PLCG2: variants seen among roughly 807,000 people sequenced by gnomAD.
PLCG2 encodes the protein phospholipase C gamma 2.
Under a neutral mutation model 175.6 loss-of-function variants are expected in PLCG2, and 69 were observed. That is an observed-to-expected ratio of 0.39 (90% CI 0.32 to 0.48). PLCG2 has a LOEUF of 0.48. PLCG2 is among the 20% of genes least tolerant of loss of function. The pLI, the probability that PLCG2 is intolerant of heterozygous loss-of-function variation, is 0.91. For synonymous variants in PLCG2, 827 were observed against 624.0 expected, an observed-to-expected ratio of 1.33 and a Z score of -4.85; for missense variants, 1,798 against 1,650.9, an observed-to-expected ratio of 1.09 and a Z score of -1.54.
At chr16:81,797,824 T>C (rs572698408) in intron 2 of PLCG2, among the ~76,000 whole-genome samples, 3 of 150,816 alleles carry the variant, frequency 2.0e-5, no homozygotes, top group African/African-American at 7.3e-5. Flanking sequence ...GTCTCAGTTT[T>C]CTTTTTTCTT....
intron 1 of PLCG2, among the ~76,000 whole-genome samples, chr16:81,785,586 A>C (rs1272459728): frequency 6.6e-6 from 1 of 151,610 alleles, no homozygotes; most frequent in African/African-American, 2.4e-5. Context: ...GTTGGAGATT[A>C]GGGGTGAGAG....
chr16:81,787,737 T>TC (rs1209935559), intron 2 of PLCG2, among the ~76,000 whole-genome samples: 32 of 151,730 alleles, frequency 2.1e-4, no homozygotes, highest in African/African-American at 7.5e-4. Flanking sequence ...CATCCCCTCA[T>TC]CCCCCCTACC....
intron 5 of PLCG2, among the ~76,000 whole-genome samples, chr16:81,864,427 C>T (rs1024650565): frequency 6.6e-6 from 1 of 152,224 alleles, no homozygotes; most frequent in African/African-American, 2.4e-5. Flanking sequence ...CAGCTACTAC[C>T]TCAGACAGCA....
chr16:81,871,235 C>A (rs28489594), intron 7 of PLCG2, among the ~76,000 whole-genome samples: 645 of 152,318 alleles, frequency 4.2e-3, no homozygotes, highest in African/African-American at 0.015. Flanking sequence ...GTGCAACTCA[C>A]TCTACTGCAT....
At chr16:81,842,069 C>G (rs920699510) in intron 2 of PLCG2, among the ~76,000 whole-genome samples, 1 of 152,226 alleles carries the variant, frequency 6.6e-6, no homozygotes, top group Admixed American at 6.5e-5. Context: ...TGATAAGCAT[C>G]ACTGCTTGTA....
chr16:81,829,287 T>G (rs1645014633), intron 2 of PLCG2, among the ~76,000 whole-genome samples: 1 of 152,160 alleles, frequency 6.6e-6, no homozygotes, highest in African/African-American at 2.4e-5. Context: ...TTTTGTATTT[T>G]TAGTAGAGAT....
rs4366702 is a variant in PLCG2, at chr16:81,928,466, A to T, written c.2515-92A>T. ...ATGCATTTTAAACAGTTCCACAGGC[A>T]GTATCTCTGCTAAACGGTGTGCTTT... On this transcript the variant is annotated intron_variant, in intron 23 of 32. Coordinates refer to ENST00000564138, the MANE Select transcript of PLCG2 (RefSeq NM_002661.5). 5.3e-4 allele frequency: 427 copies of T among 802,010 alleles called. No individual in the cohort carries two copies. In the African/African-American group the frequency reaches 6.1e-3, roughly 11 times the overall value. The allele number at this position is 802,010 out of a possible 1,614,324, so 49.7% of individuals were successfully genotyped here.
At chr16:81,909,746 C>A (rs62044875) in intron 17 of PLCG2, among the ~76,000 whole-genome samples, 9,599 of 152,224 alleles carry the variant, frequency 0.063, 435 homozygotes, top group Non-Finnish European at 0.098. Flanking sequence ...CGCAAATAAT[C>A]CTGGACACCT....
At position 81,858,029 on chromosome 16, in the gene PLCG2, C is replaced by G. The variant is rs1259870912; in HGVS notation, c.338-234C>G. 5 of 493,476 alleles carry G rather than the reference C, an allele frequency of 1.0e-5. No homozygotes were observed. The South Asian group carries it at 1.7e-4, about 17-fold the overall frequency. 30.6% of individuals were successfully genotyped at this position (493,476 alleles called of 1,614,324 possible). ...TGATTCCATTTGGCACAGGAAATAA[C>G]CCACTTGTCATCCCTGTGGTACAAA... On this transcript the variant is annotated intron_variant, in intron 3 of 32. Transcript: ENST00000564138.
chr16:81,877,195 C>T (rs1907834225), intron 7 of PLCG2, among the ~76,000 whole-genome samples: 1 of 152,208 alleles, frequency 6.6e-6, no homozygotes, highest in East Asian at 1.9e-4. Context: ...TGGCTCACGC[C>T]TGTAATCCCA....
chr16:81,857,124 A>G (rs1031493728), intron 3 of PLCG2, among the ~76,000 whole-genome samples: 1 of 152,218 alleles, frequency 6.6e-6, no homozygotes, highest in Non-Finnish European at 1.5e-5. Context: ...ATAGCAGCAG[A>G]GGAGACTGAT....
Position 81,853,351 on chromosome 16 carries a change from C to CA in PLCG2, c.194-1084dup, listed in dbSNP as rs527905199. Among the ~76,000 whole-genome samples, 707 of 148,854 alleles carry CA rather than the reference C, an allele frequency of 4.7e-3. 1 individual carries two copies. Among genetic ancestry groups the CA allele is most frequent in the Non-Finnish European group, 7.5e-3 (505 of 67,054 alleles). ...GTCTCAAAAAAAAAAAACAAAACAA[C>CA]AAAAAAAAACCATTAGACCCTGAAC... is the stretch of plus-strand genomic sequence containing the variant. On this transcript the variant is annotated intron_variant, in intron 2 of 32. Transcript: ENST00000564138.
chr16:81,880,281 C>T (rs956683914), intron 7 of PLCG2, among the ~76,000 whole-genome samples: 2 of 152,142 alleles, frequency 1.3e-5, no homozygotes, highest in South Asian at 4.1e-4. Flanking sequence ...GGTATGTGTA[C>T]CCCAGTGGAG....
In PLCG2 at chr16:81,895,842, A is replaced by G; in HGVS notation, c.1108A>G (p.Ile370Val). 6.2e-7 allele frequency: 1 copy of G among 1,614,152 alleles called. No individual in the cohort carries two copies. Among genetic ancestry groups the G allele is most frequent in the South Asian group, 1.1e-5 (1 of 91,078 alleles). ...GGACGGGCCCGATGGGAAGCCGGTC[A>G]TCTACCATGGCTGGACGCGGACTAC... The part of the protein sequence containing the change: ...CWDGPDGKPV[I>V]YHGWTRTTKI... Residue 370 changes from isoleucine to valine, a missense_variant, in exon 13 of 33, where the codon ATC (isoleucine) becomes GTC (valine). Transcript: ENST00000564138.
chr16:81,794,877 A>G (rs1326263458), intron 2 of PLCG2, among the ~76,000 whole-genome samples: 1 of 152,186 alleles, frequency 6.6e-6, no homozygotes, highest in Non-Finnish European at 1.5e-5. Flanking sequence ...CTCCCCCTGG[A>G]GTATGTGTCC....
At chr16:81,833,784 G>A (rs1905373162) in intron 2 of PLCG2, among the ~76,000 whole-genome samples, 1 of 152,040 alleles carries the variant, frequency 6.6e-6, no homozygotes, top group Admixed American at 6.5e-5. Flanking sequence ...CTGGGCTCGA[G>A]CTGTCCTCCT....
rs200149635 is a variant in PLCG2 at position 81,893,736 on chromosome 16, C to T, written c.1014C>T (p.Ser338=). ...ACCTTACAGGTGACCAGCTGCGGAG[C>T]GAGTCGTCCCCAGAAGCTTACATCC... ...NTYLTGDQLR[S]ESSPEAYIRC... is the part of the protein sequence containing the mutation. The change falls in exon 12 of 33, where the codon AGC becomes AGT. Residue 338 remains serine (S), a synonymous_variant. Transcript: ENST00000564138. 193 of 1,611,948 alleles carry T rather than the reference C, an allele frequency of 1.2e-4. No homozygotes were observed. Among genetic ancestry groups the T allele is most frequent in the Middle Eastern group, 1.6e-4 (1 of 6,080 alleles).
At chr16:81,882,744 A>C (rs1010307483) in intron 8 of PLCG2, among the ~76,000 whole-genome samples, 4 of 150,152 alleles carry the variant, frequency 2.7e-5, no homozygotes, top group African/African-American at 7.4e-5. Context: ...ACCCCACCTC[A>C]TTCTTGCTCA....
intron 2 of PLCG2, among the ~76,000 whole-genome samples, chr16:81,823,736 C>A (rs1459952072): frequency 6.7e-6 from 1 of 149,634 alleles, no homozygotes; most frequent in East Asian, 2.0e-4. Context: ...CTCTATGTTG[C>A]CCAGGCTGGC....
Sources: allele counts gnomAD v4.1 joint callset (sites outside exome capture counted in the v4.1 genomes callset), GRCh38; gene constraint gnomAD v4.1.1; transcripts MANE v1.5; gene names NCBI Gene and HGNC (gene_info 2026-07-23, HGNC 2026-07-21).